PRR12: variants seen among roughly 807,000 people sequenced by gnomAD.
The protein encoded by PRR12 is proline-rich protein 12.
Under a neutral mutation model 138.0 loss-of-function variants are expected in PRR12, and 12 were observed. The observed-to-expected ratio is 0.09, with a 90% CI of 0.06 to 0.14. The LOEUF (loss-of-function observed/expected upper bound fraction) is 0.14, where lower values mean the gene tolerates loss of function less well. Ranked by LOEUF, PRR12 falls within the 10% of genes least tolerant of loss-of-function variation. The probability of loss-of-function intolerance (pLI) is 1.00; values close to 1 mark genes in which losing one functional copy is unlikely to be tolerated. For missense variants in PRR12, 2,692 were observed against 2,861.3 expected (o/e 0.94, Z 1.35); for synonymous variants, 1,567 against 1,291.7 (o/e 1.21, Z -4.57).
rs773884492 is a variant in PRR12, at chr19:49,594,677, G to A, written c.362-20G>A. On this transcript the variant is annotated intron_variant, in intron 3 of 13. Transcript: ENST00000418929. This position sits in a 1 kb window ranked among gnomAD's most constrained non-coding sequence, Gnocchi z 5.6. ...ACTGGCTCGCTGTTCTCTCTGACGC[G>A]CGGTCTTCCTCATCTCCAGCCATGC... is the stretch of plus-strand genomic sequence containing the variant. The A allele has an allele frequency of 9.3e-6, 15 of 1,610,680 alleles. No individual in the cohort carries two copies. Among genetic ancestry groups the A allele is most frequent in the Admixed American group, 6.7e-5 (4 of 59,878 alleles).
chr19:49,603,799 G>A (rs915437505), intron 6 of PRR12, among the ~76,000 whole-genome samples: 9 of 152,026 alleles, frequency 5.9e-5, no homozygotes, highest in Non-Finnish European at 1.0e-4. Flanking sequence ...TTAATTATAA[G>A]GATAATAACT....
chr19:49,604,282 C>T (rs946287340), intron 6 of PRR12, among the ~76,000 whole-genome samples: 14 of 151,140 alleles, frequency 9.3e-5, no homozygotes, highest in African/African-American at 3.4e-4. Flanking sequence ...GTGAGAGGCT[C>T]ACTTGAGGCC....
At chr19:49,621,643 G>A (rs754405268) in intron 11 of PRR12, 21 bp downstream of exon 11, 3 of 1,546,880 alleles carry the variant, frequency 1.9e-6, no homozygotes, top group African/African-American at 1.4e-5. Flanking sequence ...GTCTGGGCAG[G>A]GGGTGTCTGG....
Position 49,625,566 on chromosome 19 carries a change from G to A in PRR12, c.6070G>A (p.Asp2024Asn). 1 of 1,612,212 alleles carries A rather than the reference G, an allele frequency of 6.2e-7. No homozygotes were observed. The highest frequency in any genetic ancestry group is 8.5e-7 in the Non-Finnish European group (1 of 1,179,324). Residue 2024 changes from aspartate (D) to asparagine (N), a missense_variant, in exon 14 of 14, where the codon GAC becomes AAC. This residue lies in a region of PRR12 where 116 missense variants were observed against 243.4 expected (regional missense o/e 0.48). Transcript: ENST00000418929. This position sits in a 1 kb window ranked among gnomAD's most constrained non-coding sequence, Gnocchi z 5.5. ...WLEQLFDSFS[D>N]LLAQAQAHSR... is the part of the protein sequence containing the mutation. ...GGAACAGCTCTTTGACTCCTTCAGT[G>A]ACCTGCTGGCCCAAGCACAGGCCCA...
chr19:49,600,962 T>A (rs1352814399), intron 5 of PRR12, among the ~76,000 whole-genome samples: 2 of 152,096 alleles, frequency 1.3e-5, no homozygotes, highest in Non-Finnish European at 2.9e-5. Context: ...TGACCTCAAG[T>A]GATCCACCCA....
In PRR12 at chr19:49,596,928, A is replaced by G. The variant is rs1259961251; in HGVS notation, c.2593A>G (p.Ser865Gly). The G allele has an allele frequency of 5.3e-6, 7 of 1,325,686 alleles. No individual in the cohort carries two copies. The highest frequency in any genetic ancestry group is 1.2e-5 in the South Asian group (1 of 82,082). The allele number at this position is 1,325,686 out of a possible 1,614,324, so 82.1% of individuals were successfully genotyped here. A position where few individuals can be genotyped will look rare whatever the true frequency, so the allele number is the denominator to read the frequency against. Residue 865 changes from serine (S) to glycine (G), a missense_variant, in exon 4 of 14, where the codon AGC (serine) becomes GGC (glycine). Physicochemically the swap from Ser to Gly is moderately conservative, Grantham distance 56. Transcript: ENST00000418929. This position sits in a 1 kb window ranked among gnomAD's most constrained non-coding sequence, Gnocchi z 5.6. Reference sequence around the variant, plus strand: ...CCATGGCCTGGAGCCCGCGGCCCCCAGCCCCCGCCTGCGACCCGAGGAGAG... The same window carrying G: ...CCATGGCCTGGAGCCCGCGGCCCCCGGCCCCCGCCTGCGACCCGAGGAGAG... The part of the protein sequence containing the change: ...RSHGLEPAAP[S>G]PRLRPEESLD...
Position 49,625,720 on chromosome 19 carries a change from G to A in PRR12, c.*113G>A. On this transcript the variant is annotated 3_prime_UTR_variant, in exon 14 of 14. Transcript: ENST00000418929. The surrounding 1 kb of genome is among the most constrained non-coding windows in gnomAD (Gnocchi z 5.5). ...CATCGCCGGGGAAAGGGGGTCATGG[G>A]TCAGGGTGTGTCTGTGCTGCCCCCT... is the stretch of plus-strand genomic sequence containing the variant. The A allele has an allele frequency of 7.3e-7, 1 of 1,377,014 alleles. No homozygotes were observed. The highest frequency in any genetic ancestry group is 9.6e-7 in the Non-Finnish European group (1 of 1,043,494). The allele number at this position is 1,377,014 out of a possible 1,614,324, so 85.3% of individuals were successfully genotyped here.
chr19:49,624,504 G>A (rs556304271), intron 11 of PRR12, among the ~76,000 whole-genome samples: 1 of 148,006 alleles, frequency 6.8e-6, no homozygotes, highest in East Asian at 1.9e-4. Flanking sequence ...TAGGTGGTTA[G>A]GATGGGGCTG....
chr19:49,606,990 A>T (rs1261195122), intron 6 of PRR12, among the ~76,000 whole-genome samples: 1 of 152,068 alleles, frequency 6.6e-6, no homozygotes, highest in Non-Finnish European at 1.5e-5. Context: ...TTCCTGGTTT[A>T]TAAAGATAAA....
chr19:49,595,832 G>A lies in PRR12; in HGVS notation c.1497G>A (p.Pro499=), dbSNP rs374445880. 365 of 1,599,720 alleles carry A rather than the reference G, an allele frequency of 2.3e-4. No homozygotes were observed. Among genetic ancestry groups the A allele is most frequent in the Non-Finnish European group, 3.0e-4 (349 of 1,177,164 alleles). The change falls in exon 4 of 14, where the codon CCG becomes CCA. Residue 499 remains proline (P), a synonymous_variant. Transcript: ENST00000418929. ...PGLATCQSYS[P]DQLQGQLYGV... ...TGGCCACATGTCAGAGCTACTCCCC[G>A]GACCAGCTGCAGGGGCAGCTGTATG...
intron 6 of PRR12, among the ~76,000 whole-genome samples, chr19:49,602,689 C>G (rs189900534): frequency 6.6e-6 from 1 of 152,226 alleles, no homozygotes; most frequent in East Asian, 1.9e-4. Flanking sequence ...CTATCTGGGA[C>G]TACAGGCGCA....
chr19:49,599,167 T>C lies in PRR12; in HGVS notation c.3679-105T>C. The stretch of plus-strand genomic sequence containing the variant: ...GGTCTGCAGGTTTGAATTCTATAAA[T>C]TCACAGGCTGAGCACCTGTAAATTT... On this transcript the variant is annotated intron_variant, in intron 4 of 13. Transcript: ENST00000418929. The surrounding 1 kb of genome is among the most constrained non-coding windows in gnomAD (Gnocchi z 5.0). The C allele has an allele frequency of 2.7e-6, 3 of 1,131,418 alleles. No individual in the cohort carries two copies. The South Asian group carries it at 5.0e-5, about 19-fold the overall frequency. The allele number at this position is 1,131,418 out of a possible 1,614,324, so 70.1% of individuals were successfully genotyped here.
At chr19:49,601,442 G>T (rs2080809233) in intron 5 of PRR12, 49 bp from the exon 6 acceptor site, 7 of 1,036,178 alleles carry the variant, frequency 6.8e-6, no homozygotes, top group Non-Finnish European at 9.9e-6. Flanking sequence ...GAGGAAAGGT[G>T]CCAGGAATGA....
chr19:49,620,055 G>A (rs113717944), intron 9 of PRR12, among the ~76,000 whole-genome samples: 6,949 of 151,440 alleles, frequency 0.046, 204 homozygotes, highest in South Asian at 0.11. Flanking sequence ...GTTTTGCCAC[G>A]CTGGCCAGGC....
Position 49,597,379 on chromosome 19 carries a change from C to A in PRR12, c.3044C>A (p.Pro1015Gln), listed in dbSNP as rs775498837. 2.0e-5 allele frequency: 30 copies of A among 1,537,930 alleles called. No homozygotes were observed. The South Asian group carries it at 2.3e-4, about 12-fold the overall frequency. Reference sequence around the variant, plus strand: ...GGCCTGGGCCTGGACCCCAACAAACCGCCTGAACTGCCCTCCACGGTCAAC... The same window carrying A: ...GGCCTGGGCCTGGACCCCAACAAACAGCCTGAACTGCCCTCCACGGTCAAC... ...TPGLGLDPNK[P>Q]PELPSTVNAE... The change falls in exon 4 of 14, where the codon CCG becomes CAG. Residue 1015 changes from proline to glutamine, a missense_variant. Physicochemically the swap from Pro to Gln is moderately conservative, Grantham distance 76. Coordinates refer to ENST00000418929, the MANE Select transcript of PRR12 (RefSeq NM_020719.3). The surrounding 1 kb of genome is among the most constrained non-coding windows in gnomAD (Gnocchi z 6.3).
In PRR12 at chr19:49,595,501, A is replaced by G. The variant is rs1161546783; in HGVS notation, c.1166A>G (p.Tyr389Cys). The G allele has an allele frequency of 2.6e-6, 4 of 1,560,060 alleles. No homozygotes were observed. Among genetic ancestry groups the G allele is most frequent in the East Asian group, 2.4e-5 (1 of 41,746 alleles). The stretch of plus-strand genomic sequence containing the variant: ...CGCCCCATCATTCAGTCGCCTGGGT[A>G]CAAGACGGGCAAAGGTGGTTATGGA... ...GYRPIIQSPG[Y>C]KTGKGGYGAA... Residue 389 changes from tyrosine to cysteine, a missense_variant, in exon 4 of 14, where the codon TAC (tyrosine) becomes TGC (cysteine). By Grantham distance (194) the Tyr-to-Cys change is radical. Around this residue, in one of 11 missense-constraint regions of PRR12, gnomAD observed 523 missense variants for 496.4 expected, o/e 1.05. Coordinates refer to ENST00000418929, the MANE Select transcript of PRR12 (RefSeq NM_020719.3).
rs180973185 is a variant in PRR12, at chr19:49,598,113, G to T, written c.3678+100G>T. 3.9e-3 allele frequency: 4,717 copies of T among 1,209,360 alleles called. 163 individuals are homozygous for T. The African/African-American group carries it at 0.068, about 17-fold the overall frequency. 74.9% of individuals were successfully genotyped at this position (1,209,360 alleles called of 1,614,324 possible). A position where few individuals can be genotyped will look rare whatever the true frequency, so the allele number is the denominator to read the frequency against. On this transcript the variant is annotated intron_variant, in intron 4 of 13. Transcript: ENST00000418929. ...TTTTGAGACAGAGTCTCGCTCTGTC[G>T]TCCAGGCTGGAGTGCAGTGGCACGA...
chr19:49,604,170 TC>T (rs1302513056), intron 6 of PRR12, among the ~76,000 whole-genome samples: 1 of 152,094 alleles, frequency 6.6e-6, no homozygotes, highest in Non-Finnish European at 1.5e-5. Flanking sequence ...ATGTATTTTT[TC>T]CTGTGTTATT....
At chr19:49,601,435 GA>G in intron 5 of PRR12, 55 bp from the exon 6 acceptor site, 1 of 975,490 alleles carries the variant, frequency 1.0e-6, no homozygotes, top group Non-Finnish European at 1.5e-6. Flanking sequence ...AGGACAAGAG[GA>G]AAGGTGCCAG....
Sources: gnomAD v4.1 joint callset for allele counts (sites outside exome capture counted in the v4.1 genomes callset) on GRCh38, gnomAD v4.1.1 for gene constraint, gnomAD v4.1.1 regional missense constraint, Gnocchi (gnomAD v3.1) non-coding constraint, MANE v1.5 for transcripts, NCBI Gene and HGNC (gene_info 2026-07-23, HGNC 2026-07-21) for gene names.